ARPP19: variants seen among roughly 807,000 people sequenced by gnomAD.
ARPP19 encodes cAMP regulated phosphoprotein 19.
A neutral mutation model predicts 12.0 loss-of-function variants in ARPP19; 8 were observed. That is an observed-to-expected ratio of 0.67 (90% CI 0.39 to 1.21). ARPP19 has a LOEUF of 1.21. Among genes scored for constraint, ARPP19 ranks in the 50% most tolerant of loss-of-function variants. ARPP19 has a pLI of 0.01. For synonymous variants in ARPP19, 47 were observed against 50.4 expected (o/e 0.93, Z 0.29); for missense variants, 102 against 136.3 (o/e 0.75, Z 1.25).
chr15:52,561,935 T>C (rs1051125745), intron 1 of ARPP19, among the ~76,000 whole-genome samples: 73 of 76,608 alleles, frequency 9.5e-4, no homozygotes, highest in African/African-American at 8.1e-3. Context: ...GTGCACCTAC[T>C]TTTTTTTTTT....
At chr15:52,563,510 G>C (rs1198927432) in intron 1 of ARPP19, among the ~76,000 whole-genome samples, 2 of 152,126 alleles carry the variant, frequency 1.3e-5, no homozygotes, top group Non-Finnish European at 2.9e-5. Flanking sequence ...GCATTTTTGT[G>C]AATTGTACCA....
chr15:52,562,502 C>CA (rs1431503063), intron 1 of ARPP19, among the ~76,000 whole-genome samples: 1 of 151,876 alleles, frequency 6.6e-6, no homozygotes, highest in Admixed American at 6.6e-5. Flanking sequence ...TTGGCCTTTA[C>CA]AAAAAAAATT....
At chr15:52,562,835 C>A (rs1270665512) in intron 1 of ARPP19, among the ~76,000 whole-genome samples, 9 of 146,986 alleles carry the variant, frequency 6.1e-5, no homozygotes, top group East Asian at 2.0e-4. Flanking sequence ...AAAGGGCCAA[C>A]AAAGGGGGTG....
chr15:52,558,470 G>GAAAAAAA (rs143549178), intron 1 of ARPP19, among the ~76,000 whole-genome samples: 1 of 63,914 alleles, frequency 1.6e-5, no homozygotes, highest in Non-Finnish European at 3.4e-5. Context: ...AAACAAAACA[G>GAAAAAAA]AAAAAAAAAA....
At chr15:52,552,139 C>T (rs199641757) in intron 2 of ARPP19, 35 bp from the exon 3 acceptor site, 2 of 1,326,770 alleles carry the variant, frequency 1.5e-6, no homozygotes, top group East Asian at 2.3e-5. Flanking sequence ...CAGATTAGAG[C>T]TTAGCAATTA....
chr15:52,561,255 A>T (rs2078029877), intron 1 of ARPP19, among the ~76,000 whole-genome samples: 1 of 152,218 alleles, frequency 6.6e-6, no homozygotes, highest in Non-Finnish European at 1.5e-5. Flanking sequence ...AGATAAGCCA[A>T]TAGTTATTTA....
rs2077915897 is a variant in ARPP19 at position 52,550,174 on chromosome 15, C to T, written c.*1760G>A. 6.6e-6 allele frequency: 1 copy of T among 152,210 alleles called. No individual in the cohort carries two copies. The highest frequency in any genetic ancestry group is 1.5e-5 in the Non-Finnish European group (1 of 68,036). 9.4% of individuals were successfully genotyped at this position (152,210 alleles called of 1,614,324 possible). A position where few individuals can be genotyped will look rare whatever the true frequency, so the allele number is the denominator to read the frequency against. The stretch of plus-strand genomic sequence containing the variant: ...GCTACTGATCCTGAGTATCATGCTA[C>T]AGCATTACAACTACTTGTGAGAGGA... On this transcript the variant is annotated 3_prime_UTR_variant, in exon 3 of 3. Coordinates refer to ENST00000249822, the MANE Select transcript of ARPP19 (RefSeq NM_006628.6).
intron 1 of ARPP19, among the ~76,000 whole-genome samples, chr15:52,560,380 C>G (rs1026519206): frequency 1.3e-5 from 2 of 152,164 alleles, no homozygotes; most frequent in Admixed American, 6.5e-5. Flanking sequence ...TTGGGTAAAA[C>G]AGCATCTATG....
At chr15:52,554,417 A>G (rs1229748464) in intron 2 of ARPP19, among the ~76,000 whole-genome samples, 1 of 143,774 alleles carries the variant, frequency 7.0e-6, no homozygotes. Context: ...AAGATGTCAG[A>G]GAAAGAAGCT....
chr15:52,559,291 T>C (rs1040863318), intron 1 of ARPP19, among the ~76,000 whole-genome samples: 1 of 152,112 alleles, frequency 6.6e-6, no homozygotes, highest in African/African-American at 2.4e-5. Context: ...TCCAGAGAGG[T>C]AAGTGTGAGG....
At position 52,548,867 on chromosome 15, in the gene ARPP19, A is replaced by G; in HGVS notation, c.*3067T>C. ...GTATAGTTTTGTTTCATCAAGTAAA[A>G]AGAGCAACTAATTCCAACTGTTGAA... On this transcript the variant is annotated 3_prime_UTR_variant, in exon 3 of 3. Transcript: ENST00000249822. 1 of 152,652 alleles carries G rather than the reference A, an allele frequency of 6.6e-6. No homozygotes were observed. The highest frequency in any genetic ancestry group is 2.1e-4 in the South Asian group (1 of 4,838). The allele number at this position is 152,652 out of a possible 1,614,324, so 9.5% of individuals were successfully genotyped here. A position where few individuals can be genotyped will look rare whatever the true frequency, so the allele number is the denominator to read the frequency against.
chr15:52,552,892 T>C (rs1170223713), intron 2 of ARPP19, among the ~76,000 whole-genome samples: 1 of 151,958 alleles, frequency 6.6e-6, no homozygotes, highest in Non-Finnish European at 1.5e-5. Context: ...GAACGGCCAA[T>C]ATGGTGAAAC....
At position 52,550,158 on chromosome 15, in the gene ARPP19, C is replaced by G. The variant is rs768418255; in HGVS notation, c.*1776G>C. 3 of 152,192 alleles carry G rather than the reference C, an allele frequency of 2.0e-5. No individual in the cohort carries two copies. Among genetic ancestry groups the G allele is most frequent in the Non-Finnish European group, 4.4e-5 (3 of 68,032 alleles). 9.4% of individuals were successfully genotyped at this position (152,192 alleles called of 1,614,324 possible). On this transcript the variant is annotated 3_prime_UTR_variant, in exon 3 of 3. Transcript: ENST00000249822. ...AATAGTAGCATCTCAAGCTACTGATCCTGAGTATCATGCTACAGCATTACA... is the reference window on the plus strand; with the variant it reads ...AATAGTAGCATCTCAAGCTACTGATGCTGAGTATCATGCTACAGCATTACA...
At chr15:52,556,099 G>C (rs1230362288) in intron 2 of ARPP19, among the ~76,000 whole-genome samples, 1 of 151,936 alleles carries the variant, frequency 6.6e-6, no homozygotes, top group Non-Finnish European at 1.5e-5. Context: ...TCAAAGCTGT[G>C]AATATTATTC....
intron 1 of ARPP19, among the ~76,000 whole-genome samples, chr15:52,566,554 G>A (rs2078083981): frequency 6.6e-6 from 1 of 151,954 alleles, no homozygotes; most frequent in Non-Finnish European, 1.5e-5. Context: ...AAGTAGCTGG[G>A]ACTACAGGCC....
chr15:52,558,470 G>GAAAAAAAAAAAAAAAAAA (rs143549178), intron 1 of ARPP19, among the ~76,000 whole-genome samples: 1 of 63,904 alleles, frequency 1.6e-5, no homozygotes, highest in African/African-American at 5.3e-5. Context: ...AAACAAAACA[G>GAAAAAAAAAAAAAAAAAA]AAAAAAAAAA....
At chr15:52,559,333 G>C (rs1197917871) in intron 1 of ARPP19, among the ~76,000 whole-genome samples, 1 of 152,166 alleles carries the variant, frequency 6.6e-6, no homozygotes, top group Non-Finnish European at 1.5e-5. Flanking sequence ...TCCCACGTTA[G>C]TCTCTCGTTG....
chr15:52,553,005 G>A (rs537619940), intron 2 of ARPP19, among the ~76,000 whole-genome samples: 265 of 151,756 alleles, frequency 1.7e-3, no homozygotes, highest in Admixed American at 3.9e-3. Context: ...TGAACCCGGG[G>A]TGTGGAGGTT....
chr15:52,557,336 TCTGA>T (rs942650273), intron 1 of ARPP19, 114 bp from the exon 2 acceptor site: 7 of 820,940 alleles, frequency 8.5e-6, no homozygotes, highest in African/African-American at 1.7e-5. Flanking sequence ...TACCACAGCA[TCTGA>T]CTAAGAAATC....
Sources: allele counts gnomAD v4.1 joint callset (sites outside exome capture counted in the v4.1 genomes callset), GRCh38; gene constraint gnomAD v4.1.1; transcripts MANE v1.5; gene names NCBI Gene and HGNC (gene_info 2026-07-23, HGNC 2026-07-21).